ADA2: variants seen among roughly 807,000 people sequenced by gnomAD.
ADA2 encodes the protein adenosine deaminase 2.
ADA2 carries 29 observed loss-of-function variants against 44.2 expected under a neutral mutation model. The ratio of observed to expected loss-of-function variants is 0.66; its 90% CI spans 0.49 to 0.89. The LOEUF is 0.89. Ranked by LOEUF, ADA2 falls within the 40% of genes least tolerant of loss-of-function variation. The pLI is 0.00. For missense variants in ADA2, 637 were observed against 644.8 expected (o/e 0.99, Z 0.13); for synonymous variants, 215 against 234.9 (o/e 0.92, Z 0.77).
intron 3 of ADA2, among the ~76,000 whole-genome samples, chr22:17,206,805 C>T: frequency 6.6e-6 from 1 of 152,104 alleles, no homozygotes; most frequent in East Asian, 1.9e-4. Flanking sequence ...ACTACAGGTG[C>T]AGCACCACAC....
In ADA2 at chr22:17,211,271, A is replaced by C. The variant is rs374574762; in HGVS notation, c.-46-1548T>G. Among the ~76,000 whole-genome samples the C allele has an allele frequency of 1.1e-4, 16 of 151,938 alleles. No homozygotes were observed. The East Asian group carries it at 2.3e-3, about 22-fold the overall frequency. ...CTGTTTGGGAGGCTGAGACAGGAGA[A>C]TCACTTGAACCCAGGAGGCAGAGGT... On this transcript the variant is annotated intron_variant, in intron 1 of 9. Transcript: ENST00000399837.
chr22:17,203,882 G>A (rs1471275822), intron 3 of ADA2, 109 bp from the exon 4 acceptor site: 1 of 708,776 alleles, frequency 1.4e-6, no homozygotes, highest in Non-Finnish European at 2.5e-6. Flanking sequence ...CAGCTCACAG[G>A]ATTCACCCTA....
chr22:17,213,543 C>A, intron 1 of ADA2: 1 of 301,314 alleles, frequency 3.3e-6, no homozygotes. Context: ...AAAAGGACTT[C>A]TAAAGCTGAA....
chr22:17,199,752 C>A, intron 4 of ADA2: 1 of 1,462,382 alleles, frequency 6.8e-7, no homozygotes, highest in South Asian at 1.4e-5. Context: ...TCATCAAGCT[C>A]TTTGACCTTT....
intron 3 of ADA2, among the ~76,000 whole-genome samples, chr22:17,204,226 C>G (rs150648959): frequency 6.2e-4 from 94 of 152,260 alleles, no homozygotes; most frequent in African/African-American, 2.1e-3. Context: ...AATATTGAAG[C>G]CCTAGCCCTC....
At chr22:17,201,494 C>T (rs1384367498) in intron 4 of ADA2, among the ~76,000 whole-genome samples, 7 of 152,076 alleles carry the variant, frequency 4.6e-5, no homozygotes, top group Non-Finnish European at 8.8e-5. Flanking sequence ...TTTGTGTATC[C>T]GATCAATATG....
In ADA2 at chr22:17,209,457, G is replaced by A; in HGVS notation, c.221C>T (p.Ala74Val). The change falls in exon 2 of 10, where the codon GCC (alanine) becomes GTC (valine). Residue 74 changes from alanine (A) to valine (V), a missense_variant. Physicochemically the swap from Ala to Val is moderately conservative, Grantham distance 64. Transcript: ENST00000399837. ...GGGTGGGAATATCAGGGTCCTCATG[G>A]CCTCCTTCATCTCAGCGATTTTGAG... Reference protein sequence around the residue: ...MTLKIAEMKEAMRTLIFPPSM... With the variant: ...MTLKIAEMKEVMRTLIFPPSM... The A allele has an allele frequency of 1.9e-6, 3 of 1,614,092 alleles. No individual in the cohort carries two copies. Among genetic ancestry groups the A allele is most frequent in the Non-Finnish European group, 2.5e-6 (3 of 1,180,012 alleles).
At chr22:17,216,330 A>G (rs1415875735) in intron 1 of ADA2, among the ~76,000 whole-genome samples, 2 of 151,252 alleles carry the variant, frequency 1.3e-5, no homozygotes, top group Admixed American at 6.6e-5. Context: ...GTGCCATTGC[A>G]CTCCTGCCTG....
upstream of ADA2, among the ~76,000 whole-genome samples, chr22:17,220,830 A>G (rs1447463032): frequency 6.6e-6 from 1 of 152,184 alleles, no homozygotes. Flanking sequence ...AATAAACAGG[A>G]AGAAATCCCA....
intron 4 of ADA2, among the ~76,000 whole-genome samples, chr22:17,202,704 C>T (rs1212300425): frequency 6.6e-6 from 1 of 152,116 alleles, no homozygotes; most frequent in Non-Finnish European, 1.5e-5. Context: ...CACTCAGAGC[C>T]TTTAATCAGC....
In ADA2 at chr22:17,191,762, T is replaced by C; in HGVS notation, c.802A>G (p.Thr268Ala). The change falls in exon 5 of 10, where the codon ACT (threonine) becomes GCT (alanine). Residue 268 changes from threonine to alanine, a missense_variant. Thr to Ala is a moderately conservative substitution (Grantham distance 58). Coordinates refer to ENST00000399837, the MANE Select transcript of ADA2 (RefSeq NM_001282225.2). ...EHHDEEWSVKTYQEVAQKFVE... is the reference protein window; with the variant it reads ...EHHDEEWSVKAYQEVAQKFVE... The stretch of plus-strand genomic sequence containing the variant: ...AACTTCTGAGCTACTTCCTGGTAAG[T>C]CTTCACTGACCACTCTTCGTCATGG... 2 of 1,613,746 alleles carry C rather than the reference T, an allele frequency of 1.2e-6. No homozygotes were observed. The highest frequency in any genetic ancestry group is 4.5e-5 in the East Asian group (2 of 44,866).
In ADA2 at chr22:17,181,424, T is replaced by G; in HGVS notation, c.*59A>C. On this transcript the variant is annotated 3_prime_UTR_variant, in exon 10 of 10. Transcript: ENST00000399837. The stretch of plus-strand genomic sequence containing the variant: ...CACATGGAGCTGATTCAAGAACGAG[T>G]GAGAGGAAGTGACAGCGTGTGCAAG... The G allele has an allele frequency of 1.8e-6, 2 of 1,108,178 alleles. No homozygotes were observed. The highest frequency in any genetic ancestry group is 1.2e-5 in the South Asian group (1 of 80,524). The allele number at this position is 1,108,178 out of a possible 1,614,324, so 68.6% of individuals were successfully genotyped here.
intron 2 of ADA2, among the ~76,000 whole-genome samples, chr22:17,207,761 C>T (rs1012251819): frequency 5.3e-5 from 8 of 152,098 alleles, no homozygotes; most frequent in African/African-American, 7.2e-5. Flanking sequence ...CACTGCATGA[C>T]GGGATACACT....
chr22:17,207,034 C>T lies in ADA2; in HGVS notation c.542+37G>A, dbSNP rs1369548166. On this transcript the variant is annotated intron_variant, in intron 3 of 9. Transcript: ENST00000399837. Reference sequence around the variant, plus strand: ...ACACCTACCCACTGCCACCCCATGACAGGCCTGGGACATGTGCTTTCTGAA... The same window carrying T: ...ACACCTACCCACTGCCACCCCATGATAGGCCTGGGACATGTGCTTTCTGAA... The T allele has an allele frequency of 3.4e-5, 53 of 1,540,710 alleles. 1 individual carries two copies. In the Middle Eastern group the frequency reaches 5.1e-4, roughly 15 times the overall value.
intron 1 of ADA2, among the ~76,000 whole-genome samples, chr22:17,217,462 G>A (rs2062484462): frequency 2.0e-5 from 3 of 152,148 alleles, no homozygotes; most frequent in Admixed American, 2.0e-4. Flanking sequence ...ACTGAAGGAA[G>A]GAAATGTATT....
Position 17,181,548 on chromosome 22 carries a change from T to C in ADA2, c.1471A>G (p.Asn491Asp). 1 of 1,613,190 alleles carries C rather than the reference T, an allele frequency of 6.2e-7. No homozygotes were observed. Among genetic ancestry groups the C allele is most frequent in the South Asian group, 1.1e-5 (1 of 91,050 alleles). ...TTCTTCCAGATTTCCATGAAAGTAT[T>C]TTTCTCACTCTCCAACAGGGTACTG... ...KYSTLLESEK[N>D]TFMEIWKKRW... Residue 491 changes from asparagine (N) to aspartate (D), a missense_variant, in exon 10 of 10, where the codon AAT becomes GAT. Transcript: ENST00000399837.
At chr22:17,203,530 G>A in intron 4 of ADA2, 33 bp downstream of exon 4, 2 of 1,550,420 alleles carry the variant, frequency 1.3e-6, no homozygotes, top group Non-Finnish European at 1.8e-6. Context: ...GAGCAAAGGA[G>A]GTGGGAGGAA....
At chr22:17,188,600 C>G (rs536977093) in intron 6 of ADA2, 153 bp from the exon 7 acceptor site, 1 of 559,082 alleles carries the variant, frequency 1.8e-6, no homozygotes, top group East Asian at 3.0e-5. Flanking sequence ...CAGGAGCAGG[C>G]CAGGCGTGGT....
At chr22:17,200,350 T>C (rs959778380) in intron 4 of ADA2, among the ~76,000 whole-genome samples, 14 of 152,160 alleles carry the variant, frequency 9.2e-5, no homozygotes, top group African/African-American at 3.4e-4. Flanking sequence ...TCTTTTCTTT[T>C]AAAAGGATGA....
Sources: allele counts gnomAD v4.1 joint callset (sites outside exome capture counted in the v4.1 genomes callset), GRCh38; gene constraint gnomAD v4.1.1; transcripts MANE v1.5; gene names NCBI Gene and HGNC (gene_info 2026-07-23, HGNC 2026-07-21).